Variants in PGK1 observed in about 807,000 individuals in gnomAD.
The protein encoded by PGK1 is PRP 2.
Under a neutral mutation model 26.9 loss-of-function variants are expected in PGK1, and 3 were observed. That is an observed-to-expected ratio of 0.11 (90% confidence interval 0.05 to 0.29). The LOEUF is 0.29. PGK1 is among the 10% of genes least tolerant of loss of function. PGK1 has a pLI of 1.00. For missense variants in PGK1, 270 were observed against 314.7 expected, an observed-to-expected ratio of 0.86 and a Z score of 1.07; for synonymous variants, 125 against 115.3, an observed-to-expected ratio of 1.08 and a Z score of -0.54.
At chrX:78,124,135 G>A (rs2078370943) in intron 8 of PGK1, among the ~76,000 whole-genome samples, 1 of 111,644 alleles carries the variant, frequency 9.0e-6, no homozygotes, top group Non-Finnish European at 1.9e-5. Context: ...ATTTTAGGGT[G>A]CTCCAAATAT....
chrX:78,113,925 A>G, intron 3 of PGK1, 26 bp downstream of exon 3: 1 of 1,209,991 alleles, frequency 8.3e-7, no homozygotes. Flanking sequence ...TGGTGCTGGT[A>G]GACTTTGTGG....
At chrX:78,109,668 A>T (rs1388850082) in intron 1 of PGK1, among the ~76,000 whole-genome samples, 199 bp from the exon 2 acceptor site, 1 of 110,958 alleles carries the variant, frequency 9.0e-6, no homozygotes, top group East Asian at 2.8e-4. Flanking sequence ...CAGAACCCCA[A>T]AGCCTCTGGT....
intron 1 of PGK1, 79 bp from the exon 2 acceptor site, chrX:78,109,788 A>T (rs1378543269): frequency 1.5e-6 from 1 of 676,802 alleles, no homozygotes; most frequent in Admixed American, 2.2e-5. Context: ...TGACTTATTT[A>T]ACTGGTTCAT....
At chrX:78,105,409 C>T (rs191316876) in intron 1 of PGK1, among the ~76,000 whole-genome samples, 24 of 111,752 alleles carry the variant, frequency 2.1e-4, no homozygotes, top group African/African-American at 7.5e-4. Flanking sequence ...TTTGAGGGGT[C>T]ATAAAGGTTT....
intron 6 of PGK1, among the ~76,000 whole-genome samples, chrX:78,119,509 T>G (rs1389780288): frequency 8.9e-6 from 1 of 111,774 alleles, no homozygotes; most frequent in Non-Finnish European, 1.9e-5. Context: ...TATCTCCTGA[T>G]GAAAATTGAC....
At chrX:78,109,418 C>T (rs1447538294) in intron 1 of PGK1, among the ~76,000 whole-genome samples, 1 of 111,239 alleles carries the variant, frequency 9.0e-6, no homozygotes, top group African/African-American at 3.3e-5. Flanking sequence ...TATTCCTCAC[C>T]CCTCTAGCTG....
At chrX:78,125,548 C>A in intron 10 of PGK1, 123 bp downstream of exon 10, 1 of 554,117 alleles carries the variant, frequency 1.8e-6, no homozygotes, top group Non-Finnish European at 3.1e-6. Context: ...ACTACCTGGG[C>A]AGTACAGAGG....
chrX:78,111,717 C>G (rs1257985555), intron 2 of PGK1, among the ~76,000 whole-genome samples: 1 of 111,966 alleles, frequency 8.9e-6, no homozygotes, highest in Non-Finnish European at 1.9e-5. Flanking sequence ...ACCATAGTGG[C>G]AGGGTCTTTG....
Position 78,104,418 on chromosome X carries a change from G to T in PGK1, c.65+13G>T. On this transcript the variant is annotated intron_variant, in intron 1 of 10. Coordinates refer to ENST00000373316, the MANE Select transcript of PGK1 (RefSeq NM_000291.4). ...GGGTCGTTATGAGGTAATTCTGCACGTTTGCCCGCGTGCTCTCTGTGCTCT... is the reference window on the plus strand; with the variant it reads ...GGGTCGTTATGAGGTAATTCTGCACTTTTGCCCGCGTGCTCTCTGTGCTCT... 8.7e-7 allele frequency: 1 copy of T among 1,151,528 alleles called. No homozygotes were observed. The highest frequency in any genetic ancestry group is 1.8e-5 in the African/African-American group (1 of 56,825). 94.9% of individuals were successfully genotyped at this position (1,151,528 alleles called of 1,213,427 possible).
intron 1 of PGK1, chrX:78,106,584 C>T (rs2078273700): frequency 4.0e-6 from 3 of 750,232 alleles, no homozygotes; most frequent in African/African-American, 4.7e-5. Flanking sequence ...CCTCATTTGT[C>T]GTCTTTGTCC....
chrX:78,125,317 C>A lies in PGK1; in HGVS notation c.1115-10C>A. 1 of 1,164,148 alleles carries A rather than the reference C, an allele frequency of 8.6e-7. No homozygotes were observed. Among genetic ancestry groups the A allele is most frequent in the Non-Finnish European group, 1.2e-6 (1 of 852,688 alleles). Reference sequence around the variant, plus strand: ...CTCTTTTCCCTTTTTACCTGGCTTTCATTCAACAGGTGGTGGAGACACTGC... The same window carrying A: ...CTCTTTTCCCTTTTTACCTGGCTTTAATTCAACAGGTGGTGGAGACACTGC... On this transcript the variant is annotated splice_polypyrimidine_tract_variant and intron_variant, in intron 9 of 10. Transcript: ENST00000373316.
chrX:78,123,314 T>A lies in PGK1; in HGVS notation c.876T>A (p.Phe292Leu). 1 of 1,209,681 alleles carries A rather than the reference T, an allele frequency of 8.3e-7. No homozygotes were observed. Among genetic ancestry groups the A allele is most frequent in the Non-Finnish European group, 1.1e-6 (1 of 893,714 alleles). The change falls in exon 8 of 11, where the codon TTT (phenylalanine) becomes TTA (leucine). Residue 292 changes from phenylalanine (F) to leucine (L), a missense_variant. This residue lies in a region of PGK1 where 103 missense variants were observed against 114.6 expected (regional missense o/e 0.90). Transcript: ENST00000373316. The stretch of plus-strand genomic sequence containing the variant: ...TTGACTTTGTCACTGCTGACAAGTT[T>A]GATGAGAATGCCAAGACTGGCCAAG... ...LPVDFVTADK[F>L]DENAKTGQAT...
chrX:78,114,526 C>T (rs1387643803), intron 4 of PGK1, among the ~76,000 whole-genome samples: 1 of 110,741 alleles, frequency 9.0e-6, no homozygotes, highest in Non-Finnish European at 1.9e-5. Flanking sequence ...TCCTTTAAAT[C>T]TCTCTTTAAG....
chrX:78,125,912 A>G lies in PGK1; in HGVS notation c.*82A>G, dbSNP rs900325469. The G allele has an allele frequency of 5.0e-6, 4 of 800,151 alleles. No homozygotes were observed. The highest frequency in any genetic ancestry group is 7.7e-6 in the Non-Finnish European group (4 of 520,855). 65.9% of individuals were successfully genotyped at this position (800,151 alleles called of 1,213,427 possible). On this transcript the variant is annotated 3_prime_UTR_variant, in exon 11 of 11. Coordinates refer to ENST00000373316, the MANE Select transcript of PGK1 (RefSeq NM_000291.4). ...GCATCTCCACTTGGCATTAGCTAAAACCTTCCATGTCAAGATTCAGCTAGT... is the reference window on the plus strand; with the variant it reads ...GCATCTCCACTTGGCATTAGCTAAAGCCTTCCATGTCAAGATTCAGCTAGT...
chrX:78,110,262 C>A (rs992239630), intron 2 of PGK1, among the ~76,000 whole-genome samples: 2 of 110,097 alleles, frequency 1.8e-5, no homozygotes, highest in Non-Finnish European at 3.8e-5. Flanking sequence ...AAGCAGTCCT[C>A]TGGCCTCAGC....
At chrX:78,104,678 T>A (rs2078260570) in intron 1 of PGK1, among the ~76,000 whole-genome samples, 1 of 111,118 alleles carries the variant, frequency 9.0e-6, no homozygotes. Flanking sequence ...TTTTTCCTAT[T>A]GGTGAAATGC....
chrX:78,104,897 C>T (rs1308866304), intron 1 of PGK1, among the ~76,000 whole-genome samples: 1 of 111,325 alleles, frequency 9.0e-6, no homozygotes, highest in South Asian at 3.7e-4. Context: ...GATTTAACTT[C>T]AGGAGTAGAC....
At chrX:78,122,113 CAA>C (rs1323731103) in intron 6 of PGK1, among the ~76,000 whole-genome samples, 1 of 110,833 alleles carries the variant, frequency 9.0e-6, no homozygotes, top group Non-Finnish European at 1.9e-5. Context: ...GAGGCTGAGG[CAA>C]GAGGATTGCT....
At chrX:78,125,275 C>T in intron 9 of PGK1, 52 bp from the exon 10 acceptor site, 3 of 994,620 alleles carry the variant, frequency 3.0e-6, no homozygotes, top group Non-Finnish European at 4.3e-6. Flanking sequence ...GGTGCCAATC[C>T]CTTTTTTTTC....
Sources: allele counts gnomAD v4.1 joint callset (sites outside exome capture counted in the v4.1 genomes callset), GRCh38; gene constraint gnomAD v4.1.1; regional missense constraint gnomAD v4.1.1; transcripts MANE v1.5; gene names NCBI Gene and HGNC (gene_info 2026-07-23, HGNC 2026-07-21).